The following WHRN variants were observed in gnomAD, a reference collection of about 807,000 sequenced individuals.
The protein encoded by WHRN is CASK-interacting protein CIP98.
Under a neutral mutation model 68.3 loss-of-function variants are expected in WHRN, and 41 were observed. That is an observed-to-expected ratio of 0.60 (90% confidence interval 0.47 to 0.78). The LOEUF is 0.78. Among genes scored for constraint, WHRN ranks in the 30% least tolerant of loss-of-function variants. The pLI is 0.00. For synonymous variants in WHRN, 560 were observed against 561.3 expected, an observed-to-expected ratio of 1.00 and a Z score of 0.03; for missense variants, 1,243 against 1,244.7, an observed-to-expected ratio of 1.00 and a Z score of 0.02.
rs367820064 is a variant in WHRN, at chr9:114,460,672, ACCC to A, written c.963+5592_963+5594del. On this transcript the variant is annotated intron_variant, in intron 3 of 11. Coordinates refer to ENST00000362057, the MANE Select transcript of WHRN (RefSeq NM_015404.4). Reference sequence around the variant, plus strand: ...AGGGCAAATGCTGAGAACCTGCCTGACCCCCCAAGTGCTTCTCCACTTAGGGCA... The same window carrying A: ...AGGGCAAATGCTGAGAACCTGCCTGACCCAAGTGCTTCTCCACTTAGGGCA... 1.1e-3 allele frequency among the ~76,000 whole-genome samples: 163 copies of A among 151,890 alleles called. 6 individuals are homozygous for A. In the South Asian group the frequency reaches 0.032, roughly 30 times the overall value.
chr9:114,408,958 T>C (rs540405920), intron 7 of WHRN, among the ~76,000 whole-genome samples: 16 of 152,266 alleles, frequency 1.1e-4, no homozygotes, highest in African/African-American at 3.6e-4. Context: ...ATCCATCTCC[T>C]CCTCCCTCAG....
intron 3 of WHRN, among the ~76,000 whole-genome samples, chr9:114,429,711 T>G (rs1457466591): frequency 2.0e-5 from 3 of 152,214 alleles, no homozygotes; most frequent in African/African-American, 7.2e-5. Flanking sequence ...TGCTTATGCA[T>G]GCAGGTGTGG....
At chr9:114,453,440 C>T (rs1839508907) in intron 3 of WHRN, among the ~76,000 whole-genome samples, 1 of 152,196 alleles carries the variant, frequency 6.6e-6, no homozygotes, top group Non-Finnish European at 1.5e-5. Flanking sequence ...AATATCCAAA[C>T]TACATCAGTT....
In WHRN at chr9:114,423,458, C is replaced by T. The variant is rs199930051; in HGVS notation, c.1482G>A (p.Leu494=). 6.2e-7 allele frequency: 1 copy of T among 1,614,092 alleles called. No homozygotes were observed. Among genetic ancestry groups the T allele is most frequent in the African/African-American group, 1.3e-5 (1 of 75,012 alleles). ...TGGACTCAATCTCACGCCTCAGCAC[C>T]AGGTGGTCGAAGCGTTCTAGGTCTT... ...SPQDLERFDH[L]VLRREIESMK... Residue 494 remains leucine (L), a synonymous_variant, in exon 7 of 12, where the codon CTG becomes CTA. Transcript: ENST00000362057.
chr9:114,445,978 A>G (rs1165906394), intron 3 of WHRN, among the ~76,000 whole-genome samples: 1 of 152,214 alleles, frequency 6.6e-6, no homozygotes, highest in Non-Finnish European at 1.5e-5. Flanking sequence ...AGTTGTACCC[A>G]TAAGTTTTTA....
intron 3 of WHRN, among the ~76,000 whole-genome samples, chr9:114,427,166 G>A (rs1285168063): frequency 6.6e-6 from 1 of 152,214 alleles, no homozygotes; most frequent in Non-Finnish European, 1.5e-5. Context: ...TCCGAGGCAG[G>A]AGGATTGCTT....
intron 10 of WHRN, among the ~76,000 whole-genome samples, chr9:114,403,615 C>G (rs1349114237): frequency 6.6e-6 from 1 of 152,250 alleles, no homozygotes; most frequent in Non-Finnish European, 1.5e-5. Context: ...CGAAGACTGT[C>G]TCAGCCACCT....
intron 8 of WHRN, 131 bp from the exon 9 acceptor site, chr9:114,407,023 G>C: frequency 2.0e-6 from 2 of 1,015,878 alleles, no homozygotes; most frequent in Non-Finnish European, 3.0e-6. Flanking sequence ...TGGCCACACT[G>C]CTCTGAATAA....
At chr9:114,426,791 C>T (rs1022001759) in intron 3 of WHRN, among the ~76,000 whole-genome samples, 2 of 152,204 alleles carry the variant, frequency 1.3e-5, no homozygotes, top group Admixed American at 6.5e-5. Context: ...CGTAATTTTC[C>T]TCCTACACTT....
intron 7 of WHRN, among the ~76,000 whole-genome samples, chr9:114,417,427 G>A (rs563115492): frequency 1.3e-5 from 2 of 152,344 alleles, no homozygotes; most frequent in African/African-American, 4.8e-5. Context: ...TTAGAAGGCC[G>A]CATAGTAGAA....
At position 114,435,146 on chromosome 9, in the gene WHRN, C is replaced by T. The variant is rs144277599; in HGVS notation, c.964-8733G>A. ...CACTAATCCCCCTCGCCCAGGGCAC[C>T]GTGCAGCACTCACTCCCCACAGTTT... On this transcript the variant is annotated intron_variant, in intron 3 of 11. Transcript: ENST00000362057. Among the ~76,000 whole-genome samples, 559 of 152,288 alleles carry T rather than the reference C, an allele frequency of 3.7e-3. 1 individual carries two copies. The highest frequency in any genetic ancestry group is 0.013 in the African/African-American group (532 of 41,546).
Position 114,505,091 on chromosome 9 carries a change from G to A in WHRN, c.-290C>T, listed in dbSNP as rs901175003. 1.3e-5 allele frequency: 5 copies of A among 374,134 alleles called. No individual in the cohort carries two copies. The highest frequency in any genetic ancestry group is 6.4e-5 in the African/African-American group (3 of 46,990). 23.2% of individuals were successfully genotyped at this position (374,134 alleles called of 1,614,324 possible). On this transcript the variant is annotated 5_prime_UTR_variant, in exon 1 of 12. Coordinates refer to ENST00000362057, the MANE Select transcript of WHRN (RefSeq NM_015404.4). ...AGTTGGCTGCTGGAGCCCGGAGGTG[G>A]CGGAGACTGCTGCTGGAGTCCGGGG...
At chr9:114,494,437 G>A (rs959808006) in intron 1 of WHRN, among the ~76,000 whole-genome samples, 1 of 152,222 alleles carries the variant, frequency 6.6e-6, no homozygotes, top group Non-Finnish European at 1.5e-5. Context: ...TAACTTGTCT[G>A]CTACTTTACT....
chr9:114,456,222 A>G (rs1839781775), intron 3 of WHRN, among the ~76,000 whole-genome samples: 1 of 152,036 alleles, frequency 6.6e-6, no homozygotes, highest in Non-Finnish European at 1.5e-5. Flanking sequence ...ATAACTCTGC[A>G]TTTGTCAAAT....
At chr9:114,446,120 G>A (rs955625748) in intron 3 of WHRN, among the ~76,000 whole-genome samples, 3 of 152,110 alleles carry the variant, frequency 2.0e-5, no homozygotes, top group Admixed American at 1.3e-4. Flanking sequence ...CAACCCAAAC[G>A]TCCATCAACT....
In WHRN at chr9:114,432,224, C is replaced by T. The variant is rs910945039; in HGVS notation, c.964-5811G>A. Among the ~76,000 whole-genome samples the T allele has an allele frequency of 5.9e-5, 9 of 152,148 alleles. 1 individual carries two copies. The highest frequency in any genetic ancestry group is 2.1e-4 in the South Asian group (1 of 4,826). On this transcript the variant is annotated intron_variant, in intron 3 of 11. Transcript: ENST00000362057. ...ATGTTCAGACACTTTGAGAAGAGCA[C>T]GGCGGGGCTTCAATAAGGGCAGGAT...
At chr9:114,469,778 T>C (rs537666401) in intron 2 of WHRN, among the ~76,000 whole-genome samples, 4 of 152,366 alleles carry the variant, frequency 2.6e-5, no homozygotes, top group Admixed American at 1.3e-4. Flanking sequence ...ATTTGTTATC[T>C]GACAGTTTGG....
chr9:114,405,168 G>C (rs1347188637), intron 9 of WHRN, among the ~76,000 whole-genome samples: 1 of 148,336 alleles, frequency 6.7e-6, no homozygotes, highest in Admixed American at 6.8e-5. Context: ...TCTGCCTCCT[G>C]GGTTCAAGTG....
intron 6 of WHRN, among the ~76,000 whole-genome samples, chr9:114,423,875 G>C (rs1189048082): frequency 1.3e-5 from 2 of 152,094 alleles, no homozygotes; most frequent in Non-Finnish European, 2.9e-5. Flanking sequence ...TAAGTCTTCC[G>C]AAACATAACC....
Sources: gnomAD v4.1 joint callset for allele counts (sites outside exome capture counted in the v4.1 genomes callset) on GRCh38, gnomAD v4.1.1 for gene constraint, MANE v1.5 for transcripts, NCBI Gene and HGNC (gene_info 2026-07-23, HGNC 2026-07-21) for gene names.